DCAF1: variants seen among roughly 807,000 people sequenced by gnomAD.
DCAF1 encodes DDB1 and CUL4 associated factor 1.
In DCAF1, 15 loss-of-function variants were observed where a neutral mutation model predicts 128.0. The observed-to-expected ratio is 0.12, with a 90% CI of 0.08 to 0.18. The LOEUF (loss-of-function observed/expected upper bound fraction) is 0.18. Among genes scored for constraint, DCAF1 ranks in the 10% least tolerant of loss-of-function variants. The pLI, the probability that DCAF1 is intolerant of heterozygous loss-of-function variation, is 1.00. For synonymous variants in DCAF1, 610 were observed against 603.0 expected (o/e 1.01, Z -0.17); for missense variants, 988 against 1,649.5 (o/e 0.60, Z 6.95).
chr3:51,437,219 C>A, intron 9 of DCAF1: 1 of 346,154 alleles, frequency 2.9e-6, no homozygotes. Flanking sequence ...GCAAACATAG[C>A]ACCACTGCAC....
At chr3:51,443,451 A>G (rs1269325719) in intron 7 of DCAF1, among the ~76,000 whole-genome samples, 1 of 151,932 alleles carries the variant, frequency 6.6e-6, no homozygotes, top group Non-Finnish European at 1.5e-5. Context: ...TTAGCTGGGC[A>G]TAGTAGTGGG....
intron 23 of DCAF1, among the ~76,000 whole-genome samples, chr3:51,406,764 G>A (rs1182023061): frequency 6.6e-6 from 1 of 152,120 alleles, no homozygotes; most frequent in South Asian, 2.1e-4. Flanking sequence ...CCAACCCTGA[G>A]ACCCTGTTAC....
Position 51,403,197 on chromosome 3 carries a change from C to T in DCAF1, c.4411G>A (p.Gly1471Arg). The change falls in exon 24 of 25, where the codon GGG becomes AGG. Residue 1471 changes from glycine to arginine, a missense_variant. Gly to Arg is a moderately radical substitution (Grantham distance 125). Transcript: ENST00000684031. ...TCTGCATCAGAGTCTTCATCCTCCC[C>T]GTCCTCTCCCTCCTCTAGAAGGTTT... ...LANLLEEGED[G>R]EDEDSDADEE... The T allele has an allele frequency of 3.7e-6, 6 of 1,613,926 alleles. No homozygotes were observed. The highest frequency in any genetic ancestry group is 2.2e-5 in the East Asian group (1 of 44,882).
intron 6 of DCAF1, among the ~76,000 whole-genome samples, chr3:51,459,070 C>G (rs570850675): frequency 7.8e-4 from 118 of 152,158 alleles, no homozygotes; most frequent in Non-Finnish European, 2.5e-4. Context: ...CAGAGCAGAA[C>G]TGAAGGAAAT....
intron 23 of DCAF1, among the ~76,000 whole-genome samples, chr3:51,411,003 A>G (rs1467814838): frequency 6.6e-6 from 1 of 152,116 alleles, no homozygotes; most frequent in Admixed American, 6.5e-5. Context: ...ACTAAAAAAA[A>G]TACAAAAATT....
At chr3:51,473,152 T>C (rs1379490467) in intron 3 of DCAF1, among the ~76,000 whole-genome samples, 1 of 150,402 alleles carries the variant, frequency 6.6e-6, no homozygotes, top group Non-Finnish European at 1.5e-5. Flanking sequence ...GCCACATGCC[T>C]GTAATCCCAG....
chr3:51,465,608 G>A (rs893757807), intron 5 of DCAF1, among the ~76,000 whole-genome samples: 5 of 152,032 alleles, frequency 3.3e-5, no homozygotes, highest in Admixed American at 6.6e-5. Context: ...GCCTGGCGTG[G>A]TGGTGCATCC....
intron 10 of DCAF1, among the ~76,000 whole-genome samples, chr3:51,432,648 G>A (rs1335077725): frequency 1.3e-5 from 2 of 151,940 alleles, no homozygotes; most frequent in African/African-American, 4.8e-5. Context: ...TAGTAGAGAC[G>A]GGGTTACACC....
Position 51,443,640 on chromosome 3 carries a change from T to C in DCAF1, c.513+126A>G, listed in dbSNP as rs1048277846. On this transcript the variant is annotated intron_variant, in intron 7 of 24. Coordinates refer to ENST00000684031, the MANE Select transcript of DCAF1 (RefSeq NM_001387579.1). ...TTTTAAAAACTCTTATGGAAACTAA[T>C]ATTGAAATTATAGCCATGCTCCAGT... is the stretch of plus-strand genomic sequence containing the variant. 2.1e-5 allele frequency: 17 copies of C among 809,158 alleles called. No homozygotes were observed. The Admixed American group carries it at 6.4e-4, about 30-fold the overall frequency. 50.1% of individuals were successfully genotyped at this position (809,158 alleles called of 1,614,324 possible). A position where few individuals can be genotyped will look rare whatever the true frequency, so the allele number is the denominator to read the frequency against.
intron 9 of DCAF1, chr3:51,440,301 C>T: frequency 8.8e-6 from 3 of 342,784 alleles, no homozygotes; most frequent in Non-Finnish European, 1.2e-5. Context: ...AACACACAGG[C>T]ACATCTCTGT....
intron 1 of DCAF1, among the ~76,000 whole-genome samples, chr3:51,499,211 A>C (rs1708561257): frequency 6.6e-6 from 1 of 152,010 alleles, no homozygotes; most frequent in Non-Finnish European, 1.5e-5. Flanking sequence ...AACTACTATA[A>C]CCCCCGGAAA....
chr3:51,458,899 G>A (rs1553643712), intron 6 of DCAF1, among the ~76,000 whole-genome samples: 3 of 152,080 alleles, frequency 2.0e-5, no homozygotes, highest in Admixed American at 6.6e-5. Context: ...AGAATCTCTG[G>A]GACACATTCA....
intron 3 of DCAF1, among the ~76,000 whole-genome samples, chr3:51,477,272 C>T (rs1360782363): frequency 6.6e-6 from 1 of 150,492 alleles, no homozygotes; most frequent in African/African-American, 2.4e-5. Context: ...ATTTGCTCTT[C>T]ATGGAATATA....
intron 18 of DCAF1, among the ~76,000 whole-genome samples, chr3:51,416,240 T>TA (rs1698869419): frequency 1.3e-5 from 2 of 152,026 alleles, no homozygotes; most frequent in East Asian, 3.9e-4. Flanking sequence ...TGACCTCAGC[T>TA]CTCCTCCCAC....
chr3:51,480,250 A>G (rs1211880923), intron 3 of DCAF1, among the ~76,000 whole-genome samples: 1 of 152,110 alleles, frequency 6.6e-6, no homozygotes, highest in Non-Finnish European at 1.5e-5. Context: ...TGCCAAGGAA[A>G]GGCATTTCAG....
chr3:51,441,244 A>G (rs1197410091), intron 8 of DCAF1, 141 bp downstream of exon 8: 8 of 1,240,976 alleles, frequency 6.4e-6, no homozygotes, highest in African/African-American at 1.5e-5. Context: ...AATGACCTGC[A>G]TAAGACTTGA....
intron 6 of DCAF1, among the ~76,000 whole-genome samples, chr3:51,450,023 C>G (rs1447528460): frequency 6.6e-6 from 1 of 152,144 alleles, no homozygotes; most frequent in Non-Finnish European, 1.5e-5. Flanking sequence ...GACATGATGA[C>G]TTCACTAGTA....
chr3:51,429,682 A>G (rs1372182222), intron 11 of DCAF1, among the ~76,000 whole-genome samples: 1 of 152,190 alleles, frequency 6.6e-6, no homozygotes, highest in African/African-American at 2.4e-5. Flanking sequence ...AACAGTAGCT[A>G]TATGAAAGCA....
At position 51,398,787 on chromosome 3, in the gene DCAF1, G is replaced by A. The variant is rs2089413407; in HGVS notation, c.4506C>T (p.Ile1502=). 8 of 1,591,272 alleles carry A rather than the reference G, an allele frequency of 5.0e-6. No homozygotes were observed. The highest frequency in any genetic ancestry group is 2.3e-5 in the East Asian group (1 of 44,278). The change falls in exon 25 of 25, where the codon ATC becomes ATT. Residue 1502 remains isoleucine, a synonymous_variant. Transcript: ENST00000684031. ...SDNSDLEDDI[I]LSLNE ...TGGCTCCTCACTCATTCAGAGATAAGATGATGTCATCTTCCAAATCAGAGT... is the reference window on the plus strand; with the variant it reads ...TGGCTCCTCACTCATTCAGAGATAAAATGATGTCATCTTCCAAATCAGAGT...
Sources: gnomAD v4.1 joint callset for allele counts (sites outside exome capture counted in the v4.1 genomes callset) on GRCh38, gnomAD v4.1.1 for gene constraint, MANE v1.5 for transcripts, NCBI Gene and HGNC (gene_info 2026-07-23, HGNC 2026-07-21) for gene names.